ATXN3: variants seen among roughly 807,000 people sequenced by gnomAD.
The protein encoded by ATXN3 is ataxin-3.
Under a neutral mutation model 58.2 loss-of-function variants are expected in ATXN3, and 28 were observed. The observed-to-expected ratio is 0.48, with a 90% confidence interval of 0.36 to 0.66. The LOEUF (loss-of-function observed/expected upper bound fraction) is 0.66. ATXN3 is among the 30% of genes least tolerant of loss of function. ATXN3 has a pLI of 0.00. For missense variants in ATXN3, 321 were observed against 422.1 expected (o/e 0.76, Z 2.10); for synonymous variants, 113 against 138.5 (o/e 0.82, Z 1.29).
intron 1 of ATXN3, among the ~76,000 whole-genome samples, chr14:92,098,569 C>T (rs1475936087): frequency 3.9e-5 from 6 of 152,110 alleles, no homozygotes; most frequent in African/African-American, 1.4e-4. Flanking sequence ...GTCTGGGTAA[C>T]AGAGCAAGAC....
intron 1 of ATXN3, among the ~76,000 whole-genome samples, chr14:92,097,682 T>C (rs2065748539): frequency 6.6e-6 from 1 of 151,934 alleles, no homozygotes; most frequent in East Asian, 1.9e-4. Flanking sequence ...CCCACCGCCA[T>C]GCCCGGCTAA....
chr14:92,099,443 T>C lies in ATXN3; in HGVS notation c.25-2605A>G, dbSNP rs56223923. 4.3e-3 allele frequency among the ~76,000 whole-genome samples: 651 copies of C among 152,354 alleles called. 3 individuals are homozygous for C. The highest frequency in any genetic ancestry group is 0.015 in the African/African-American group (607 of 41,592). On this transcript the variant is annotated intron_variant, in intron 1 of 10. Transcript: ENST00000644486. ...GCTAGAGAGAACACTATCCCCCAAG[T>C]CTTCTCATGAGAATAGACTTTTTGT...
intron 1 of ATXN3, among the ~76,000 whole-genome samples, chr14:92,103,978 C>T (rs1044387725): frequency 1.3e-5 from 2 of 152,154 alleles, no homozygotes; most frequent in Non-Finnish European, 2.9e-5. Flanking sequence ...AGGAGATTAA[C>T]AATTGGGCCA....
chr14:92,102,316 AAT>A (rs2067022819), intron 1 of ATXN3, among the ~76,000 whole-genome samples: 2 of 152,244 alleles, frequency 1.3e-5, no homozygotes, highest in Admixed American at 6.5e-5. Context: ...CAAAAAAAAA[AAT>A]AAAAGAAATT....
intron 10 of ATXN3, 115 bp from the exon 11 acceptor site, chr14:92,064,529 T>G (rs2058028873): frequency 1.3e-6 from 1 of 761,646 alleles, no homozygotes; most frequent in African/African-American, 1.8e-5. Context: ...TTTTTTTGAT[T>G]TAATACATAT....
Position 92,070,964 on chromosome 14 carries a change from G to T in ATXN3, c.962C>A (p.Thr321Asn). ...QSSHPCERPA[T>N]SSGALGSDLG... ...ATCACTCCCAAGTGCTCCTGAACTG[G>T]TGGCTGGCCTTTCACATGGATGTGA... The change falls in exon 10 of 11, where the codon ACC becomes AAC. Residue 321 changes from threonine (T) to asparagine (N), a missense_variant. Transcript: ENST00000644486. 2 of 1,388,216 alleles carry T rather than the reference G, an allele frequency of 1.4e-6. No individual in the cohort carries two copies. The highest frequency in any genetic ancestry group is 1.9e-6 in the Non-Finnish European group (2 of 1,064,884). The allele number at this position is 1,388,216 out of a possible 1,614,324, so 86.0% of individuals were successfully genotyped here. A position where few individuals can be genotyped will look rare whatever the true frequency, so the allele number is the denominator to read the frequency against.
intron 6 of ATXN3, among the ~76,000 whole-genome samples, chr14:92,085,821 CA>C (rs2062360215): frequency 6.6e-6 from 1 of 152,090 alleles, no homozygotes; most frequent in African/African-American, 2.4e-5. Flanking sequence ...TAATTATTGA[CA>C]CATAGATCTT....
intron 6 of ATXN3, among the ~76,000 whole-genome samples, chr14:92,087,076 G>T (rs989445920): frequency 6.6e-6 from 1 of 152,222 alleles, no homozygotes; most frequent in African/African-American, 2.4e-5. Context: ...CACAAGGAAG[G>T]TGTGTAAGGG....
chr14:92,097,860 A>G (rs1284464653), intron 1 of ATXN3, among the ~76,000 whole-genome samples: 1 of 152,152 alleles, frequency 6.6e-6, no homozygotes, highest in Non-Finnish European at 1.5e-5. Flanking sequence ...CTGAACTTTC[A>G]GCTTTAGATA....
intron 9 of ATXN3, chr14:92,079,575 G>A (rs2061064067): frequency 7.3e-6 from 2 of 273,742 alleles, no homozygotes; most frequent in African/African-American, 2.3e-5. Flanking sequence ...AATTATGACT[G>A]TAAGATGCTT....
At chr14:92,082,730 T>C (rs1216413629) in intron 7 of ATXN3, among the ~76,000 whole-genome samples, 1 of 150,560 alleles carries the variant, frequency 6.6e-6, no homozygotes, top group Non-Finnish European at 1.5e-5. Context: ...CTCACTGTAG[T>C]CTCTACCTCC....
In ATXN3 at chr14:92,069,623, C is replaced by T. The variant is rs1214111601; in HGVS notation, c.991+1312G>A. Among the ~76,000 whole-genome samples, 11 of 151,944 alleles carry T rather than the reference C, an allele frequency of 7.2e-5. No homozygotes were observed. In the South Asian group the frequency reaches 1.9e-3, roughly 26 times the overall value. ...CTTGACTTCAGGTATCTGCCAACCT[C>T]GGCCTCCCAAAGTGCTGGGATTATA... On this transcript the variant is annotated intron_variant, in intron 10 of 10. Coordinates refer to ENST00000644486, the MANE Select transcript of ATXN3 (RefSeq NM_004993.6).
chr14:92,067,692 C>T (rs1021452971), intron 10 of ATXN3, among the ~76,000 whole-genome samples: 2 of 152,302 alleles, frequency 1.3e-5, no homozygotes, highest in Admixed American at 1.3e-4. Flanking sequence ...CCACCATGCC[C>T]AGCTTAGTGA....
In ATXN3 at chr14:92,092,112, CA is replaced by C. The variant is rs563090828; in HGVS notation, c.387+1139del. Among the ~76,000 whole-genome samples the C allele has an allele frequency of 1.8e-4, 27 of 152,040 alleles. No homozygotes were observed. The East Asian group carries it at 5.2e-3, about 29-fold the overall frequency. ...GTGCCTCTCTGTAACCCTCCCCTCTCACTCCTCCATAGCCTTCTCGTCCCCA... is the reference window on the plus strand; with the variant it reads ...GTGCCTCTCTGTAACCCTCCCCTCTCCTCCTCCATAGCCTTCTCGTCCCCA... On this transcript the variant is annotated intron_variant, in intron 5 of 10. Transcript: ENST00000644486.
intron 10 of ATXN3, among the ~76,000 whole-genome samples, chr14:92,066,075 T>TA (rs1186044985): frequency 6.8e-6 from 1 of 147,398 alleles, no homozygotes; most frequent in Admixed American, 6.7e-5. Context: ...TTACAGCACT[T>TA]ACGGAGTGTA....
intron 3 of ATXN3, 113 bp from the exon 4 acceptor site, chr14:92,093,944 G>GGT: frequency 2.3e-6 from 1 of 429,068 alleles, no homozygotes; most frequent in Non-Finnish European, 4.1e-6. Context: ...AAGGCTATAG[G>GGT]TTTTTTTTTT....
At chr14:92,093,477 T>C in intron 4 of ATXN3, 159 bp from the exon 5 acceptor site, 1 of 622,874 alleles carries the variant, frequency 1.6e-6, no homozygotes, top group Non-Finnish European at 2.8e-6. Flanking sequence ...TGAACGTCTC[T>C]GCAGCAGCTT....
At chr14:92,085,219 T>C (rs766254893) in intron 6 of ATXN3, among the ~76,000 whole-genome samples, 13 of 150,724 alleles carry the variant, frequency 8.6e-5, no homozygotes, top group Non-Finnish European at 1.8e-4. Flanking sequence ...GAGAGTCTCG[T>C]TCTGTCACCC....
Position 92,060,281 on chromosome 14 carries a change from T to TTTC in ATXN3, c.*4038_*4039insGAA, listed in dbSNP as rs11451253. 1.4e-5 allele frequency: 2 copies of TTTC among 147,036 alleles called. No individual in the cohort carries two copies. The highest frequency in any genetic ancestry group is 5.0e-5 in the African/African-American group (2 of 39,606). The allele number at this position is 147,036 out of a possible 1,614,324, so 9.1% of individuals were successfully genotyped here. A position where few individuals can be genotyped will look rare whatever the true frequency, so the allele number is the denominator to read the frequency against. ...ATATATATATATATATTTTTTTTTT[T>TTTC]CAGAAACAGTGTCTCACTCTGTTGG... On this transcript the variant is annotated 3_prime_UTR_variant, in exon 11 of 11. Coordinates refer to ENST00000644486, the MANE Select transcript of ATXN3 (RefSeq NM_004993.6).
Sources: gnomAD v4.1 joint callset for allele counts (sites outside exome capture counted in the v4.1 genomes callset) on GRCh38, gnomAD v4.1.1 for gene constraint, MANE v1.5 for transcripts, NCBI Gene and HGNC (gene_info 2026-07-23, HGNC 2026-07-21) for gene names.